ADAMTS2: variants seen among roughly 807,000 people sequenced by gnomAD.
ADAMTS2 encodes ADAM metallopeptidase with thrombospondin type 1 motif 2.
In ADAMTS2, 50 loss-of-function variants were observed where a neutral mutation model predicts 123.0. The observed-to-expected ratio is 0.41, with a 90% CI of 0.32 to 0.51. ADAMTS2 has a LOEUF of 0.51. Among genes scored for constraint, ADAMTS2 ranks in the 20% least tolerant of loss-of-function variants. The probability of loss-of-function intolerance (pLI) is 0.35; values close to 1 mark genes in which losing one functional copy is unlikely to be tolerated. For synonymous variants in ADAMTS2, 678 were observed against 695.4 expected (o/e 0.98, Z 0.39); for missense variants, 1,494 against 1,705.2 (o/e 0.88, Z 2.18).
At position 179,234,632 on chromosome 5, in the gene ADAMTS2, C is replaced by G. The variant is rs992134757; in HGVS notation, c.689-26917G>C. Among the ~76,000 whole-genome samples the G allele has an allele frequency of 2.6e-5, 4 of 152,044 alleles. No individual in the cohort carries two copies. Among genetic ancestry groups the G allele is most frequent in the African/African-American group, 9.7e-5 (4 of 41,380 alleles). On this transcript the variant is annotated intron_variant, in intron 3 of 21. Coordinates refer to ENST00000251582, the MANE Select transcript of ADAMTS2 (RefSeq NM_014244.5). This position sits in a 1 kb window ranked among gnomAD's most constrained non-coding sequence, Gnocchi z 4.7. ...GCCAACAAGTCCCAAACAAACCTGT[C>G]ACCTTTCCCTACCCCAACCCATCAG...
At position 179,204,491 on chromosome 5, in the gene ADAMTS2, C is replaced by T. The variant is rs201185951; in HGVS notation, c.891+3022G>A. ...CCGGTGGCTACTGCCCCAGAAAGGG[C>T]GAGACGAGCATCTCCCCAGCACCGC... is the stretch of plus-strand genomic sequence containing the variant. On this transcript the variant is annotated intron_variant, in intron 4 of 21. Coordinates refer to ENST00000251582, the MANE Select transcript of ADAMTS2 (RefSeq NM_014244.5). Among the ~76,000 whole-genome samples, 9 of 152,320 alleles carry T rather than the reference C, an allele frequency of 5.9e-5. No homozygotes were observed. The East Asian group carries it at 1.7e-3, about 29-fold the overall frequency.
Position 179,345,227 on chromosome 5 carries a change from G to GGGCGGCGGC in ADAMTS2, c.93_101dup (p.Pro32_Pro34dup). The GGGCGGCGGC allele has an allele frequency of 8.9e-7, 1 of 1,119,530 alleles. No homozygotes were observed. Among genetic ancestry groups the GGGCGGCGGC allele is most frequent in the Non-Finnish European group, 1.1e-6 (1 of 918,728 alleles). 69.3% of individuals were successfully genotyped at this position (1,119,530 alleles called of 1,614,324 possible). On this transcript the variant is annotated inframe_insertion, in exon 1 of 22. Transcript: ENST00000251582. The surrounding 1 kb of genome is among the most constrained non-coding windows in gnomAD (Gnocchi z 7.5). ...CGGCGGCGGCGAGCCTGGCGTTCGC[G>GGGCGGCGGC]GGCGGCGGCGGCGGCGGCAGGAGCG...
chr5:179,207,741 G>A (rs750481251), intron 3 of ADAMTS2, 26 bp from the exon 4 acceptor site: 4 of 1,604,732 alleles, frequency 2.5e-6, no homozygotes, highest in South Asian at 1.1e-5. Flanking sequence ...ACCGTCTTCA[G>A]CGGCAGGGCA....
intron 10 of ADAMTS2, among the ~76,000 whole-genome samples, chr5:179,148,782 T>C (rs1763299488): frequency 6.6e-6 from 1 of 152,126 alleles, no homozygotes; most frequent in South Asian, 2.1e-4. Context: ...AGACCTGCCT[T>C]TGTGGCAGTC....
At chr5:179,157,027 A>C (rs1763485836) in intron 6 of ADAMTS2, among the ~76,000 whole-genome samples, 1 of 143,370 alleles carries the variant, frequency 7.0e-6, no homozygotes, top group Non-Finnish European at 1.5e-5. Flanking sequence ...GCAGTGGCAC[A>C]ATCTCGGCTC....
chr5:179,219,928 G>A (rs1314241300), intron 3 of ADAMTS2, among the ~76,000 whole-genome samples: 1 of 152,198 alleles, frequency 6.6e-6, no homozygotes, highest in Non-Finnish European at 1.5e-5. Flanking sequence ...CACCTCCAAG[G>A]ATTCACGGGG....
intron 10 of ADAMTS2, among the ~76,000 whole-genome samples, chr5:179,140,779 T>C (rs1488714444): frequency 6.7e-6 from 1 of 149,566 alleles, no homozygotes; most frequent in Non-Finnish European, 1.5e-5. Context: ...GAACTTTTCC[T>C]TCAGTTCCGA....
Position 179,219,901 on chromosome 5 carries a change from G to A in ADAMTS2, c.689-12186C>T, listed in dbSNP as rs6887318. Among the ~76,000 whole-genome samples the A allele has an allele frequency of 2.8e-3, 428 of 152,282 alleles. 2 individuals carry two copies. The highest frequency in any genetic ancestry group is 9.7e-3 in the African/African-American group (403 of 41,542). ...CACCTGCCCCGTGCCACTCTCCAGC[G>A]GCCTCTGCAGCCCACTCACCTCCAA... On this transcript the variant is annotated intron_variant, in intron 3 of 21. Transcript: ENST00000251582.
At chr5:179,257,310 C>T (rs751142048) in intron 3 of ADAMTS2, among the ~76,000 whole-genome samples, 7 of 152,234 alleles carry the variant, frequency 4.6e-5, no homozygotes, top group Non-Finnish European at 1.0e-4. Flanking sequence ...GGGCAGAACC[C>T]TCTTGAGACC....
intron 4 of ADAMTS2, among the ~76,000 whole-genome samples, chr5:179,199,486 G>A (rs767643706): frequency 2.0e-5 from 3 of 152,198 alleles, no homozygotes; most frequent in Non-Finnish European, 2.9e-5. Context: ...GTGGCCATAC[G>A]CTCTGGGCTG....
intron 10 of ADAMTS2, among the ~76,000 whole-genome samples, chr5:179,147,051 A>G (rs1182107048): frequency 6.6e-6 from 1 of 152,100 alleles, no homozygotes; most frequent in Non-Finnish European, 1.5e-5. Flanking sequence ...TGTCATCCAT[A>G]TGTTGTGAGG....
At position 179,185,978 on chromosome 5, in the gene ADAMTS2, A is replaced by C. The variant is rs1195527931; in HGVS notation, c.892-4823T>G. Among the ~76,000 whole-genome samples, 1 of 151,932 alleles carries C rather than the reference A, an allele frequency of 6.6e-6. No homozygotes were observed. The highest frequency in any genetic ancestry group is 2.4e-5 in the African/African-American group (1 of 41,366). On this transcript the variant is annotated intron_variant, in intron 4 of 21. Transcript: ENST00000251582. This position sits in a 1 kb window ranked among gnomAD's most constrained non-coding sequence, Gnocchi z 5.9. The stretch of plus-strand genomic sequence containing the variant: ...CAGCCCTCCCTCCCTGGTAGCCTTC[A>C]ACTGTGGTGCGCTCTCCCTGATCCT...
chr5:179,279,807 G>T (rs1244383093), intron 2 of ADAMTS2, among the ~76,000 whole-genome samples: 1 of 152,242 alleles, frequency 6.6e-6, no homozygotes, highest in African/African-American at 2.4e-5. Flanking sequence ...TCACCACTGG[G>T]GGCTCCTTTA....
intron 12 of ADAMTS2, 150 bp from the exon 13 acceptor site, chr5:179,136,192 G>A: frequency 1.8e-6 from 2 of 1,107,750 alleles, no homozygotes; most frequent in Non-Finnish European, 2.7e-6. Flanking sequence ...GTGGGTGACA[G>A]CAGCCCCCTT....
In ADAMTS2 at chr5:179,170,273, C is replaced by T. The variant is rs773128767; in HGVS notation, c.975+10799G>A. Among the ~76,000 whole-genome samples the T allele has an allele frequency of 5.9e-5, 9 of 152,070 alleles. No homozygotes were observed. Among genetic ancestry groups the T allele is most frequent in the African/African-American group, 1.4e-4 (6 of 41,422 alleles). On this transcript the variant is annotated intron_variant, in intron 5 of 21. Coordinates refer to ENST00000251582, the MANE Select transcript of ADAMTS2 (RefSeq NM_014244.5). The surrounding 1 kb of genome is among the most constrained non-coding windows in gnomAD (Gnocchi z 4.3). ...GCCTGGGGGACAGGCAATGGGGGAG[C>T]GGCAGGTGGGGAGCTGGTCTATTTC...
intron 13 of ADAMTS2, 67 bp downstream of exon 13, chr5:179,135,842 G>A (rs1045696334): frequency 2.5e-6 from 4 of 1,607,000 alleles, no homozygotes; most frequent in Non-Finnish European, 2.5e-6. Context: ...CCGAAAAGGG[G>A]GAGGTCAGTA....
At chr5:179,276,517 G>A (rs1766699202) in intron 2 of ADAMTS2, among the ~76,000 whole-genome samples, 1 of 152,164 alleles carries the variant, frequency 6.6e-6, no homozygotes, top group South Asian at 2.1e-4. Context: ...TGTACATGAG[G>A]CAGGTCATTT....
intron 2 of ADAMTS2, among the ~76,000 whole-genome samples, chr5:179,304,103 CAGAAT>C (rs2113564652): frequency 6.6e-6 from 1 of 152,234 alleles, no homozygotes; most frequent in African/African-American, 2.4e-5. Flanking sequence ...TGGGATTGAT[CAGAAT>C]AGGACTGCAC....
At chr5:179,270,505 A>G (rs1766499935) in intron 3 of ADAMTS2, among the ~76,000 whole-genome samples, 1 of 146,968 alleles carries the variant, frequency 6.8e-6, no homozygotes. Flanking sequence ...ACTGGAAGAA[A>G]GGGTCCCCTA....
Sources: gnomAD v4.1 joint callset for allele counts (sites outside exome capture counted in the v4.1 genomes callset) on GRCh38, gnomAD v4.1.1 for gene constraint, Gnocchi (gnomAD v3.1) non-coding constraint, MANE v1.5 for transcripts, NCBI Gene and HGNC (gene_info 2026-07-23, HGNC 2026-07-21) for gene names.